NEBL: variants seen among roughly 807,000 people sequenced by gnomAD.
NEBL encodes LIM and SH3 protein 2.
In NEBL, 122 loss-of-function variants were observed where a neutral mutation model predicts 140.2. The observed-to-expected ratio is 0.87, with a 90% CI of 0.75 to 1.01. The LOEUF (loss-of-function observed/expected upper bound fraction) is 1.01. NEBL is among the 50% of genes least tolerant of loss of function. The pLI is 0.00. For synonymous variants in NEBL, 436 were observed against 398.9 expected, an observed-to-expected ratio of 1.09 and a Z score of -1.11; for missense variants, 1,365 against 1,231.3, an observed-to-expected ratio of 1.11 and a Z score of -1.62.
At chr10:20,804,283 G>C (rs1837412668) in intron 26 of NEBL, 1 of 152,140 alleles carries the variant, frequency 6.6e-6, no homozygotes, top group Admixed American at 6.6e-5. Context: ...CTGAGCACTG[G>C]ACATTCAATT....
At chr10:20,839,466 T>C (rs932186820) in intron 13 of NEBL, among the ~76,000 whole-genome samples, 1 of 152,072 alleles carries the variant, frequency 6.6e-6, no homozygotes, top group African/African-American at 2.4e-5. Flanking sequence ...ATGATTTCCT[T>C]TTGGGAAATG....
At chr10:21,101,456 G>C (rs188598419) in intron 2 of NEBL, among the ~76,000 whole-genome samples, 2 of 152,304 alleles carry the variant, frequency 1.3e-5, no homozygotes, top group Non-Finnish European at 1.5e-5. Flanking sequence ...TCTTGTTAGA[G>C]GGAAAGTGGA....
chr10:20,818,961 AGTT>A, intron 20 of NEBL: 1 of 963,646 alleles, frequency 1.0e-6, no homozygotes, highest in Middle Eastern at 5.3e-4. Context: ...TTATTATTGC[AGTT>A]GTTAAATTTT....
At chr10:21,086,768 C>A (rs1159721081) in intron 2 of NEBL, among the ~76,000 whole-genome samples, 1 of 152,060 alleles carries the variant, frequency 6.6e-6, no homozygotes, top group Non-Finnish European at 1.5e-5. Context: ...CACAGCAAGA[C>A]CCTGACTCAA....
At chr10:21,023,874 T>C (rs549920804) in intron 2 of NEBL, among the ~76,000 whole-genome samples, 2 of 152,272 alleles carry the variant, frequency 1.3e-5, no homozygotes, top group Admixed American at 6.5e-5. Context: ...TGGATAGTAA[T>C]GAACTTCACT....
chr10:20,831,901 G>A (rs575858612), intron 14 of NEBL, among the ~76,000 whole-genome samples: 2 of 152,220 alleles, frequency 1.3e-5, no homozygotes, highest in African/African-American at 4.8e-5. Context: ...GCTTAGTTAA[G>A]TGTCAGTCAA....
At chr10:21,111,313 G>T (rs1589245031) in intron 2 of NEBL, among the ~76,000 whole-genome samples, 4 of 152,172 alleles carry the variant, frequency 2.6e-5, no homozygotes, top group African/African-American at 9.6e-5. Flanking sequence ...AGAACAAAGT[G>T]GGAGGCATCG....
chr10:20,842,781 T>C (rs788999), intron 12 of NEBL, among the ~76,000 whole-genome samples: 18,170 of 152,026 alleles, frequency 0.12, 1,343 homozygotes, highest in Middle Eastern at 0.16. Context: ...CACTATATAC[T>C]ATCTTCACCA....
At chr10:21,110,270 T>G (rs1357963510) in intron 2 of NEBL, among the ~76,000 whole-genome samples, 1 of 152,172 alleles carries the variant, frequency 6.6e-6, no homozygotes, top group Non-Finnish European at 1.5e-5. Flanking sequence ...AACTCACCAG[T>G]GAAGGCAACT....
intron 7 of NEBL, among the ~76,000 whole-genome samples, chr10:20,861,212 CT>C (rs1403475388): frequency 1.3e-5 from 2 of 152,288 alleles, no homozygotes; most frequent in East Asian, 3.9e-4. Context: ...GAGTCTCACT[CT>C]ATCACCCAGG....
intron 3 of NEBL, among the ~76,000 whole-genome samples, chr10:21,197,008 G>C (rs1272068929): frequency 1.3e-5 from 2 of 152,148 alleles, no homozygotes; most frequent in South Asian, 4.1e-4. Flanking sequence ...TTCCCAGTTA[G>C]CAGTTGTGAT....
chr10:20,862,182 C>A (rs957396531), intron 7 of NEBL, among the ~76,000 whole-genome samples: 4 of 152,104 alleles, frequency 2.6e-5, no homozygotes, highest in African/African-American at 9.7e-5. Context: ...AGTCAGGGAC[C>A]ATCTATGCAT....
At chr10:21,034,167 G>GAAAAAAAAAAAAAAA in intron 2 of NEBL, among the ~76,000 whole-genome samples, 1 of 33,494 alleles carries the variant, frequency 3.0e-5, no homozygotes, top group East Asian at 9.1e-4. Flanking sequence ...ACCCTATCTC[G>GAAAAAAAAAAAAAAA]AAAAAAAAAA....
At chr10:20,935,738 T>C (rs1176477358) in intron 4 of NEBL, among the ~76,000 whole-genome samples, 5 of 152,190 alleles carry the variant, frequency 3.3e-5, no homozygotes, top group Admixed American at 6.5e-5. Flanking sequence ...AAAGAATCAT[T>C]AGGAAATTAT....
chr10:20,845,782 T>C (rs1410153544), intron 11 of NEBL, among the ~76,000 whole-genome samples: 1 of 152,154 alleles, frequency 6.6e-6, no homozygotes, highest in Non-Finnish European at 1.5e-5. Context: ...CAAGCAGCAT[T>C]AATGTTCATG....
At position 21,095,127 on chromosome 10, in the gene NEBL, C is replaced by A. The variant is rs112386700; in HGVS notation, c.165-74926G>T. 1.1e-4 allele frequency among the ~76,000 whole-genome samples: 17 copies of A among 152,290 alleles called. 1 individual carries two copies. The highest frequency in any genetic ancestry group is 4.1e-4 in the African/African-American group (17 of 41,564). Reference sequence around the variant, plus strand: ...TTCCAAGGCCTCATCTCAGACCAACCAACCATATCAGAATCTAGAGGTGGG... The same window carrying A: ...TTCCAAGGCCTCATCTCAGACCAACAAACCATATCAGAATCTAGAGGTGGG... On this transcript the variant is annotated intron_variant, in intron 2 of 6. Coordinates refer to the NEBL transcript ENST00000417816.
At chr10:20,795,263 T>A (rs1243855181) in intron 26 of NEBL, among the ~76,000 whole-genome samples, 1 of 152,000 alleles carries the variant, frequency 6.6e-6, no homozygotes, top group African/African-American at 2.4e-5. Context: ...GAAAAATGAG[T>A]TTAAATGCAC....
rs758297245 is a variant in NEBL at position 21,173,851 on chromosome 10, G to A, written c.-18C>T. ...GGGTTCATGATCGCGGTTCCCGGGG[G>A]CGGCGGCGGCGGCGGCTGCTGGCTC... On this transcript the variant is annotated 5_prime_UTR_variant, in exon 1 of 7. Transcript: ENST00000417816. The surrounding 1 kb of genome is among the most constrained non-coding windows in gnomAD (Gnocchi z 5.7). The A allele has an allele frequency of 3.7e-6, 6 of 1,600,164 alleles. No individual in the cohort carries two copies. The highest frequency in any genetic ancestry group is 3.4e-5 in the Admixed American group (2 of 59,490).
intron 2 of NEBL, among the ~76,000 whole-genome samples, chr10:21,133,747 G>A (rs77963533): frequency 3.2e-3 from 494 of 152,254 alleles, no homozygotes; most frequent in Non-Finnish European, 5.4e-3. Context: ...AATAATAGCC[G>A]TGTAGGGTTT....
Sources: gnomAD v4.1 joint callset for allele counts (sites outside exome capture counted in the v4.1 genomes callset) on GRCh38, gnomAD v4.1.1 for gene constraint, Gnocchi (gnomAD v3.1) non-coding constraint, MANE v1.5 for transcripts, NCBI Gene and HGNC (gene_info 2026-07-23, HGNC 2026-07-21) for gene names.